Variants in SNAP91 observed in about 807,000 individuals in gnomAD.
SNAP91 encodes synaptosome associated protein 91.
In SNAP91, 27 loss-of-function variants were observed where a neutral mutation model predicts 100.3. The observed-to-expected ratio is 0.27, with a 90% CI of 0.20 to 0.37. The LOEUF is 0.37. Among genes scored for constraint, SNAP91 ranks in the 10% least tolerant of loss-of-function variants. SNAP91 has a pLI of 1.00. For missense variants in SNAP91, 986 were observed against 1,123.7 expected, an observed-to-expected ratio of 0.88 and a Z score of 1.75; for synonymous variants, 404 against 398.6, an observed-to-expected ratio of 1.01 and a Z score of -0.16.
At position 83,553,391 on chromosome 6, in the gene SNAP91, C is replaced by T. The variant is rs995846864; in HGVS notation, c.*905G>A. 1.3e-5 allele frequency: 2 copies of T among 152,020 alleles called. No individual in the cohort carries two copies. The highest frequency in any genetic ancestry group is 2.9e-5 in the Non-Finnish European group (2 of 67,986). 9.4% of individuals were successfully genotyped at this position (152,020 alleles called of 1,614,324 possible). The stretch of plus-strand genomic sequence containing the variant: ...TAAATTAACAGATGTACTAAAAACC[C>T]ACAGTAAAGTAAAGATATTTGCAGT... On this transcript the variant is annotated 3_prime_UTR_variant, in exon 30 of 30. Coordinates refer to ENST00000369694, the MANE Select transcript of SNAP91 (RefSeq NM_001242792.2).
chr6:83,562,866 AT>A (rs1477024703), intron 26 of SNAP91, among the ~76,000 whole-genome samples: 1 of 152,160 alleles, frequency 6.6e-6, no homozygotes, highest in African/African-American at 2.4e-5. Flanking sequence ...GGTTGAACAC[AT>A]GTGTCCTGGA....
At chr6:83,595,645 T>C (rs538702260) in intron 16 of SNAP91, among the ~76,000 whole-genome samples, 1 of 152,222 alleles carries the variant, frequency 6.6e-6, no homozygotes, top group South Asian at 2.1e-4. Flanking sequence ...CCTGCTAGAC[T>C]TTCCATCCCC....
intron 2 of SNAP91, among the ~76,000 whole-genome samples, chr6:83,666,130 G>A (rs1254925016): frequency 6.6e-6 from 1 of 152,062 alleles, no homozygotes; most frequent in African/African-American, 2.4e-5. Flanking sequence ...GTAAGCTTTT[G>A]TAGAACAACA....
chr6:83,581,399 AC>A (rs1318300988), intron 23 of SNAP91, among the ~76,000 whole-genome samples: 1 of 152,242 alleles, frequency 6.6e-6, no homozygotes, highest in Non-Finnish European at 1.5e-5. Context: ...GCTCCTGATC[AC>A]CAAATAAGTT....
At chr6:83,592,895 C>T (rs2093969752) in intron 20 of SNAP91, 51 bp downstream of exon 20, 1 of 1,296,760 alleles carries the variant, frequency 7.7e-7, no homozygotes, top group Non-Finnish European at 1.1e-6. Flanking sequence ...TCTCTCTATG[C>T]ATTACTTCCA....
chr6:83,657,664 A>G (rs569727895), intron 6 of SNAP91, among the ~76,000 whole-genome samples: 8 of 152,320 alleles, frequency 5.3e-5, no homozygotes, highest in South Asian at 4.1e-4. Context: ...AAATTTGAGG[A>G]AAATCTTTGT....
At chr6:83,556,111 C>T (rs372414373) in intron 29 of SNAP91, 32 bp downstream of exon 29, 3 of 1,249,148 alleles carry the variant, frequency 2.4e-6, no homozygotes, top group Admixed American at 4.0e-5. Context: ...CTCATTATTA[C>T]AAGCCTACAG....
chr6:83,684,341 T>G (rs959043528), intron 2 of SNAP91, among the ~76,000 whole-genome samples: 2 of 152,144 alleles, frequency 1.3e-5, no homozygotes, highest in African/African-American at 4.8e-5. Flanking sequence ...TTCCATTACT[T>G]CCTGCTACTT....
At chr6:83,677,207 T>C (rs1054712879) in intron 2 of SNAP91, among the ~76,000 whole-genome samples, 2 of 152,184 alleles carry the variant, frequency 1.3e-5, no homozygotes, top group African/African-American at 4.8e-5. Context: ...CAAAGGGATG[T>C]CTACTTTCTA....
intron 11 of SNAP91, among the ~76,000 whole-genome samples, 159 bp downstream of exon 11, chr6:83,614,698 T>G (rs2096374804): frequency 6.6e-6 from 1 of 152,072 alleles, no homozygotes; most frequent in African/African-American, 2.4e-5. Flanking sequence ...GCTAGTCAAC[T>G]TGGGAGACAA....
intron 7 of SNAP91, among the ~76,000 whole-genome samples, chr6:83,647,521 T>C (rs1487099499): frequency 6.6e-6 from 1 of 152,228 alleles, no homozygotes; most frequent in African/African-American, 2.4e-5. Flanking sequence ...CAGCTTTGCA[T>C]ACCTGGGTAA....
At chr6:83,626,084 GT>G (rs1584499045) in intron 8 of SNAP91, among the ~76,000 whole-genome samples, 2 of 152,026 alleles carry the variant, frequency 1.3e-5, no homozygotes, top group East Asian at 3.9e-4. Context: ...TGGCTAGCCA[GT>G]TTTCCCAGCA....
chr6:83,692,444 G>A (rs1244763004), intron 2 of SNAP91, among the ~76,000 whole-genome samples: 2 of 152,032 alleles, frequency 1.3e-5, no homozygotes, highest in Non-Finnish European at 2.9e-5. Context: ...GAACCTGGGA[G>A]GCAGAGGTTA....
At chr6:83,617,181 G>A in intron 9 of SNAP91, 142 bp from the exon 10 acceptor site, 1 of 518,492 alleles carries the variant, frequency 1.9e-6, no homozygotes, top group East Asian at 3.2e-5. Flanking sequence ...GGTTCTTTTA[G>A]TATTTAAATA....
Position 83,648,969 on chromosome 6 carries a change from T to C in SNAP91, c.659-7767A>G, listed in dbSNP as rs144197968. On this transcript the variant is annotated intron_variant, in intron 7 of 29. Transcript: ENST00000369694. Reference sequence around the variant, plus strand: ...TCCAATTTGTTAACTTTCTCTTTTATAGTTCATGTTTTCTGTATTTTAATT... The same window carrying C: ...TCCAATTTGTTAACTTTCTCTTTTACAGTTCATGTTTTCTGTATTTTAATT... Among the ~76,000 whole-genome samples the C allele has an allele frequency of 5.3e-5, 8 of 152,370 alleles. No individual in the cohort carries two copies. In the East Asian group the frequency reaches 1.2e-3, roughly 22 times the overall value.
chr6:83,567,163 C>A (rs1797821574), intron 26 of SNAP91, among the ~76,000 whole-genome samples: 1 of 152,124 alleles, frequency 6.6e-6, no homozygotes, highest in African/African-American at 2.4e-5. Context: ...GCCTCAAATT[C>A]CTGGCCTCAA....
intron 5 of SNAP91, among the ~76,000 whole-genome samples, chr6:83,659,335 C>A (rs751602497): frequency 6.6e-6 from 1 of 151,510 alleles, no homozygotes; most frequent in Non-Finnish European, 1.5e-5. Flanking sequence ...AGAAAGCAAT[C>A]GGGTCTGGAT....
intron 26 of SNAP91, among the ~76,000 whole-genome samples, chr6:83,566,510 A>C (rs139322261): frequency 1.7e-4 from 26 of 152,318 alleles, no homozygotes; most frequent in African/African-American, 6.3e-4. Flanking sequence ...ATGAAAGAGA[A>C]AAGGGCTTTA....
At chr6:83,669,752 A>G (rs1250599748) in intron 2 of SNAP91, among the ~76,000 whole-genome samples, 6 of 151,986 alleles carry the variant, frequency 3.9e-5, no homozygotes, top group Non-Finnish European at 7.4e-5. Context: ...TTTTTTCTTG[A>G]GAGGGAATGT....
Sources: gnomAD v4.1 joint callset for allele counts (sites outside exome capture counted in the v4.1 genomes callset) on GRCh38, gnomAD v4.1.1 for gene constraint, MANE v1.5 for transcripts, NCBI Gene and HGNC (gene_info 2026-07-23, HGNC 2026-07-21) for gene names.